SPATA31E1: variants seen among roughly 807,000 people sequenced by gnomAD.
SPATA31E1 encodes spermatogenesis-associated protein 31E1.
In SPATA31E1, 7 loss-of-function variants were observed where a neutral mutation model predicts 12.9. The ratio of observed to expected loss-of-function variants is 0.54; its 90% CI spans 0.31 to 1.02. The LOEUF (loss-of-function observed/expected upper bound fraction) is 1.02, where lower values mean the gene tolerates loss of function less well. SPATA31E1 is among the 50% of genes least tolerant of loss of function. The pLI is 0.05. For missense variants in SPATA31E1, 1,961 were observed against 1,799.8 expected (o/e 1.09, Z -1.62); for synonymous variants, 771 against 719.0 (o/e 1.07, Z -1.16).
chr9:87,886,481 A>G lies in SPATA31E1; in HGVS notation c.1994A>G (p.Gln665Arg). 1 of 1,613,990 alleles carries G rather than the reference A, an allele frequency of 6.2e-7. No homozygotes were observed. Among genetic ancestry groups the G allele is most frequent in the Non-Finnish European group, 8.5e-7 (1 of 1,179,984 alleles). Reference sequence around the variant, plus strand: ...GATGGGGAATTCCCAGGGAGGCCCCAGAGTCAGGCAGAAGACACGCAGCAG... The same window carrying G: ...GATGGGGAATTCCCAGGGAGGCCCCGGAGTCAGGCAGAAGACACGCAGCAG... ...QPDGEFPGRPQSQAEDTQQAL... is the reference protein window; with the variant it reads ...QPDGEFPGRPRSQAEDTQQAL... Residue 665 changes from glutamine to arginine, a missense_variant, in exon 4 of 4, where the codon CAG (glutamine) becomes CGG (arginine). Physicochemically the swap from Gln to Arg is conservative, Grantham distance 43 (BLOSUM62 1). Coordinates refer to ENST00000325643, the MANE Select transcript of SPATA31E1 (RefSeq NM_178828.5).
Position 87,886,059 on chromosome 9 carries a change from G to A in SPATA31E1, c.1572G>A (p.Gln524=). Residue 524 remains glutamine, a synonymous_variant, in exon 4 of 4, where the codon CAG becomes CAA. Transcript: ENST00000325643. ...CACCTTTGGCTGAGATCCAGACCCA[G>A]GCCCACCTCTCACCCCCTGTCCCAA... is the stretch of plus-strand genomic sequence containing the variant. ...QPPPLAEIQT[Q]AHLSPPVPSL... The A allele has an allele frequency of 6.2e-7, 1 of 1,612,544 alleles. No individual in the cohort carries two copies. Among genetic ancestry groups the A allele is most frequent in the Non-Finnish European group, 8.5e-7 (1 of 1,179,220 alleles).
intron 1 of SPATA31E1, among the ~76,000 whole-genome samples, chr9:87,883,536 G>C (rs1828208173): frequency 6.6e-6 from 1 of 152,206 alleles, no homozygotes; most frequent in Non-Finnish European, 1.5e-5. Flanking sequence ...AGCCTCCTCT[G>C]TATGATCTGG....
rs1268278560 is a variant in SPATA31E1, at chr9:87,884,026, G to A, written c.344G>A (p.Arg115Lys). The change falls in exon 2 of 4, where the codon AGG (arginine) becomes AAG (lysine). Residue 115 changes from arginine (R) to lysine (K), a missense_variant. By Grantham distance (26) the Arg-to-Lys change is conservative (BLOSUM62 2). Transcript: ENST00000325643. ...QRERSGRSRSRKISALKACRI... is the reference protein window; with the variant it reads ...QRERSGRSRSKKISALKACRI... ...GAGAGAAGCGGGAGGTCCAGGAGCAGGAAGATCTCAGCTCTGAAAGGTGAG... is the reference window on the plus strand; with the variant it reads ...GAGAGAAGCGGGAGGTCCAGGAGCAAGAAGATCTCAGCTCTGAAAGGTGAG... The A allele has an allele frequency of 3.7e-6, 6 of 1,606,562 alleles. No individual in the cohort carries two copies. Among genetic ancestry groups the A allele is most frequent in the Non-Finnish European group, 4.3e-6 (5 of 1,176,056 alleles).
rs768378656 is a variant in SPATA31E1, at chr9:87,886,607, GCTTAGGGTCCAAA to G, written c.2123_2135del (p.Leu708Ter). ...TCCGGAAGGTTCTCTGACAAGGGGT[GCTTAGGGTCCAAA>G]CTAGGGCCGGACCCAAGCCGGGATC... On this transcript the variant is annotated frameshift_variant, in exon 4 of 4. Coordinates refer to ENST00000325643, the MANE Select transcript of SPATA31E1 (RefSeq NM_178828.5). LOFTEE classifies it low-confidence loss of function (END_TRUNC). The G allele has an allele frequency of 6.2e-7, 1 of 1,614,088 alleles. No homozygotes were observed. Among genetic ancestry groups the G allele is most frequent in the South Asian group, 1.1e-5 (1 of 91,082 alleles).
chr9:87,882,896 G>C lies in SPATA31E1; in HGVS notation c.5G>C (p.Gly2Ala), dbSNP rs1312293191. Residue 2 changes from glycine (G) to alanine (A), a missense_variant, in exon 1 of 4, where the codon GGA (glycine) becomes GCA (alanine). Gly to Ala is a moderately conservative substitution (Grantham distance 60). Coordinates refer to ENST00000325643, the MANE Select transcript of SPATA31E1 (RefSeq NM_178828.5). M[G>A]NLVIPLGKGR... The stretch of plus-strand genomic sequence containing the variant: ...GAGCTCAGTTGCTTGAAGGCGATGG[G>C]AAATCTCGTCATCCCTCTAGGGAAG... The C allele has an allele frequency of 1.2e-6, 2 of 1,610,060 alleles. No individual in the cohort carries two copies. Among genetic ancestry groups the C allele is most frequent in the Non-Finnish European group, 1.7e-6 (2 of 1,177,846 alleles).
chr9:87,887,479 G>C lies in SPATA31E1; in HGVS notation c.2992G>C (p.Glu998Gln), dbSNP rs767650789. 1 of 1,613,954 alleles carries C rather than the reference G, an allele frequency of 6.2e-7. No homozygotes were observed. The highest frequency in any genetic ancestry group is 8.5e-7 in the Non-Finnish European group (1 of 1,180,032). The change falls in exon 4 of 4, where the codon GAG (glutamate) becomes CAG (glutamine). Residue 998 changes from glutamate to glutamine, a missense_variant. Physicochemically the swap from Glu to Gln is conservative, Grantham distance 29. Transcript: ENST00000325643. ...TATGGGTTCAGAAATGGCTGGGAACGAGGCATGGCTTGAGAGTGAGAGCAT... is the reference window on the plus strand; with the variant it reads ...TATGGGTTCAGAAATGGCTGGGAACCAGGCATGGCTTGAGAGTGAGAGCAT... ...GSMGSEMAGN[E>Q]AWLESESMSP...
Position 87,888,770 on chromosome 9 carries a change from GC to G in SPATA31E1, c.4288del (p.His1430IlefsTer7). 6.2e-7 allele frequency: 1 copy of G among 1,612,922 alleles called. No individual in the cohort carries two copies. The highest frequency in any genetic ancestry group is 8.5e-7 in the Non-Finnish European group (1 of 1,179,860). ...HRPRMASTSG[G>X]PHPQLQELMS... ...CCAAGAATGGCAAGCACCTCGGGCG[GC>G]CCCCATCCACAGCTGCAGGAACTGA... On this transcript the variant is annotated frameshift_variant, in exon 4 of 4. Coordinates refer to ENST00000325643, the MANE Select transcript of SPATA31E1 (RefSeq NM_178828.5). LOFTEE classifies it low-confidence loss of function (END_TRUNC).
chr9:87,887,687 C>T lies in SPATA31E1; in HGVS notation c.3200C>T (p.Thr1067Ile), dbSNP rs774630183. ...SGSVQEDLRS[T>I]GALGTTGNPS... is the part of the protein sequence containing the mutation. ...AGTGTTCAGGAGGATCTGAGGAGCA[C>T]AGGGGCTCTGGGGACCACTGGTAAC... is the stretch of plus-strand genomic sequence containing the variant. Residue 1067 changes from threonine (T) to isoleucine (I), a missense_variant, in exon 4 of 4, where the codon ACA (threonine) becomes ATA (isoleucine). Coordinates refer to ENST00000325643, the MANE Select transcript of SPATA31E1 (RefSeq NM_178828.5). 4 of 1,614,018 alleles carry T rather than the reference C, an allele frequency of 2.5e-6. No homozygotes were observed. Among genetic ancestry groups the T allele is most frequent in the Non-Finnish European group, 3.4e-6 (4 of 1,180,018 alleles).
chr9:87,885,477 T>C lies in SPATA31E1; in HGVS notation c.990T>C (p.His330=). The change falls in exon 4 of 4, where the codon CAT becomes CAC. Residue 330 remains histidine, a synonymous_variant. Transcript: ENST00000325643. ...TYSHGKSQPR[H]LPDHTSEASF... is the part of the protein sequence containing the mutation. ...CACATGGCAAATCCCAGCCACGGCA[T>C]CTTCCCGACCACACCTCAGAGGCTT... is the stretch of plus-strand genomic sequence containing the variant. The C allele has an allele frequency of 6.2e-7, 1 of 1,614,006 alleles. No individual in the cohort carries two copies. Among genetic ancestry groups the C allele is most frequent in the Non-Finnish European group, 8.5e-7 (1 of 1,179,934 alleles).
In SPATA31E1 at chr9:87,885,509, G is replaced by T. The variant is rs755073734; in HGVS notation, c.1022G>T (p.Trp341Leu). Residue 341 changes from tryptophan to leucine, a missense_variant, in exon 4 of 4, where the codon TGG becomes TTG. Trp to Leu is a moderately conservative substitution (Grantham distance 61). Coordinates refer to ENST00000325643, the MANE Select transcript of SPATA31E1 (RefSeq NM_178828.5). The part of the protein sequence containing the change: ...LPDHTSEASF[W>L]GDPTPKHMEV... ...GACCACACCTCAGAGGCTTCCTTCTGGGGAGACCCCACACCCAAGCACATG... is the reference window on the plus strand; with the variant it reads ...GACCACACCTCAGAGGCTTCCTTCTTGGGAGACCCCACACCCAAGCACATG... 1.9e-6 allele frequency: 3 copies of T among 1,614,026 alleles called. No homozygotes were observed. Among genetic ancestry groups the T allele is most frequent in the East Asian group, 4.5e-5 (2 of 44,852 alleles).
rs1216371763 is a variant in SPATA31E1 at position 87,886,200 on chromosome 9, G to A, written c.1713G>A (p.Leu571=). ...GAAAGGAGTATCTTGAATGGCCCTT[G>A]AAGAAGCGACCAAAGTGGAAGAGGG... ...PTGKEYLEWP[L]KKRPKWKRVL... Residue 571 remains leucine (L), a synonymous_variant, in exon 4 of 4, where the codon TTG becomes TTA. Transcript: ENST00000325643. The A allele has an allele frequency of 1.9e-6, 3 of 1,613,122 alleles. No homozygotes were observed. The East Asian group carries it at 6.7e-5, about 36-fold the overall frequency.
rs1181207369 is a variant in SPATA31E1 at position 87,887,924 on chromosome 9, C to T, written c.3437C>T (p.Thr1146Ile). The T allele has an allele frequency of 6.2e-7, 1 of 1,613,918 alleles. No homozygotes were observed. Among genetic ancestry groups the T allele is most frequent in the Middle Eastern group, 1.6e-4 (1 of 6,062 alleles). The part of the protein sequence containing the change: ...DMLTAADRLP[T>I]QAPLSTSQSV... The stretch of plus-strand genomic sequence containing the variant: ...CTCACTGCCGCAGACAGGCTGCCCA[C>T]TCAAGCCCCTCTGTCCACCTCCCAG... The change falls in exon 4 of 4, where the codon ACT becomes ATT. Residue 1146 changes from threonine to isoleucine, a missense_variant. By Grantham distance (89) the Thr-to-Ile change is moderately conservative. Coordinates refer to ENST00000325643, the MANE Select transcript of SPATA31E1 (RefSeq NM_178828.5).
rs59256416 is a variant in SPATA31E1, at chr9:87,885,278, C to G, written c.791C>G (p.Ala264Gly). The G allele has an allele frequency of 0.064, 103,959 of 1,613,974 alleles. 5,778 individuals are homozygous for G. Among genetic ancestry groups the G allele is most frequent in the African/African-American group, 0.3 (22,292 of 74,964 alleles). The change falls in exon 4 of 4, where the codon GCT (alanine) becomes GGT (glycine). Residue 264 changes from alanine (A) to glycine (G), a missense_variant. By Grantham distance (60) the Ala-to-Gly change is moderately conservative (BLOSUM62 0). Transcript: ENST00000325643. ...SSPPPPDSSL[A>G]GLQCGSTTCP... ...CCACCTCCACCCGACTCCAGCCTGG[C>G]TGGACTTCAGTGTGGCTCCACAACA...
chr9:87,884,715 G>C (rs1467610459), intron 3 of SPATA31E1, 64 bp downstream of exon 3: 2 of 1,597,908 alleles, frequency 1.3e-6, no homozygotes, highest in Admixed American at 1.7e-5. Context: ...GCAACCCTAC[G>C]GCCTGGTGGT....
chr9:87,884,617 G>C lies in SPATA31E1; in HGVS notation c.391G>C (p.Glu131Gln). 7 of 1,614,146 alleles carry C rather than the reference G, an allele frequency of 4.3e-6. No homozygotes were observed. The highest frequency in any genetic ancestry group is 5.9e-6 in the Non-Finnish European group (7 of 1,180,008). Residue 131 changes from glutamate to glutamine, a missense_variant, in exon 3 of 4, where the codon GAG (glutamate) becomes CAG (glutamine). Coordinates refer to ENST00000325643, the MANE Select transcript of SPATA31E1 (RefSeq NM_178828.5). ...KACRILLREL[E>Q]ETRDLNYLLE... ...TTGCAGAATCCTCCTGAGGGAGCTG[G>C]AGGAGACTCGGGACCTGAACTACCT...
rs201713382 is a variant in SPATA31E1, at chr9:87,885,287, A to G, written c.800A>G (p.Gln267Arg). ...CCCGACTCCAGCCTGGCTGGACTTC[A>G]GTGTGGCTCCACAACATGCCCCGTC... Reference protein sequence around the residue: ...PPPDSSLAGLQCGSTTCPVPQ... With the variant: ...PPPDSSLAGLRCGSTTCPVPQ... Residue 267 changes from glutamine (Q) to arginine (R), a missense_variant, in exon 4 of 4, where the codon CAG (glutamine) becomes CGG (arginine). By Grantham distance (43) the Gln-to-Arg change is conservative. Coordinates refer to ENST00000325643, the MANE Select transcript of SPATA31E1 (RefSeq NM_178828.5). 701 of 1,613,946 alleles carry G rather than the reference A, an allele frequency of 4.3e-4. No homozygotes were observed. The highest frequency in any genetic ancestry group is 5.7e-4 in the South Asian group (52 of 91,060).
In SPATA31E1 at chr9:87,888,262, C is replaced by T; in HGVS notation, c.3775C>T (p.Pro1259Ser). 6.2e-7 allele frequency: 1 copy of T among 1,614,134 alleles called. No homozygotes were observed. Among genetic ancestry groups the T allele is most frequent in the Non-Finnish European group, 8.5e-7 (1 of 1,180,032 alleles). ...TCAGCTGGAGAAGGGACAGACACCACCAGAAAGCCACTTCCAGAGAAAGAT... is the reference window on the plus strand; with the variant it reads ...TCAGCTGGAGAAGGGACAGACACCATCAGAAAGCCACTTCCAGAGAAAGAT... The part of the protein sequence containing the change: ...QLQLEKGQTP[P>S]ESHFQRKISH... The change falls in exon 4 of 4, where the codon CCA (proline) becomes TCA (serine). Residue 1259 changes from proline to serine, a missense_variant. Transcript: ENST00000325643.
chr9:87,888,358 A>C lies in SPATA31E1; in HGVS notation c.3871A>C (p.Lys1291Gln), dbSNP rs778893084. ...GTGGGAAGATGTCCTGCAGAAAGGC[A>C]AGCCTGGGGCAGATGCTTTCCAGAG... ...TRWEDVLQKGKPGADAFQSWG... is the reference protein window; with the variant it reads ...TRWEDVLQKGQPGADAFQSWG... Residue 1291 changes from lysine (K) to glutamine (Q), a missense_variant, in exon 4 of 4, where the codon AAG becomes CAG. By Grantham distance (53) the Lys-to-Gln change is moderately conservative. Coordinates refer to ENST00000325643, the MANE Select transcript of SPATA31E1 (RefSeq NM_178828.5). 1 of 1,614,184 alleles carries C rather than the reference A, an allele frequency of 6.2e-7. No homozygotes were observed. The highest frequency in any genetic ancestry group is 8.5e-7 in the Non-Finnish European group (1 of 1,180,026).
chr9:87,887,718 A>AG lies in SPATA31E1; in HGVS notation c.3232dup (p.Ala1078GlyfsTer22). 6.2e-7 allele frequency: 1 copy of AG among 1,614,112 alleles called. No homozygotes were observed. The highest frequency in any genetic ancestry group is 8.5e-7 in the Non-Finnish European group (1 of 1,180,020). On this transcript the variant is annotated frameshift_variant, in exon 4 of 4. Coordinates refer to ENST00000325643, the MANE Select transcript of SPATA31E1 (RefSeq NM_178828.5). LOFTEE classifies it low-confidence loss of function (END_TRUNC). ...CTCTGGGGACCACTGGTAACCCCTC[A>AG]GCGTCTTCAGTCTGTGTTGCTCAGG...
Sources: gnomAD v4.1 joint callset for allele counts (sites outside exome capture counted in the v4.1 genomes callset) on GRCh38, gnomAD v4.1.1 for gene constraint, MANE v1.5 for transcripts, NCBI Gene and HGNC (gene_info 2026-07-23, HGNC 2026-07-21) for gene names.